CPNE8: variants seen among roughly 807,000 people sequenced by gnomAD.
CPNE8 encodes the protein copine-8.
In CPNE8, 45 loss-of-function variants were observed where a neutral mutation model predicts 81.5. The observed-to-expected ratio is 0.55, with a 90% CI of 0.44 to 0.71. The LOEUF is 0.71. CPNE8 is among the 30% of genes least tolerant of loss of function. The pLI, the probability that CPNE8 is intolerant of heterozygous loss-of-function variation, is 0.00. For synonymous variants in CPNE8, 252 were observed against 226.3 expected (o/e 1.11, Z -1.02); for missense variants, 594 against 672.1 (o/e 0.88, Z 1.28).
chr12:38,681,032 T>C (rs1187015091), intron 16 of CPNE8, among the ~76,000 whole-genome samples: 1 of 151,890 alleles, frequency 6.6e-6, no homozygotes, highest in Non-Finnish European at 1.5e-5. Flanking sequence ...AAAAGACTAA[T>C]AGGAAATAAT....
At chr12:38,746,180 T>A (rs1941224058) in intron 10 of CPNE8, among the ~76,000 whole-genome samples, 1 of 152,132 alleles carries the variant, frequency 6.6e-6, no homozygotes, top group Admixed American at 6.6e-5. Context: ...ATTCAAAATA[T>A]TCTTCAATAT....
Position 38,700,049 on chromosome 12 carries a change from T to G in CPNE8, c.961+2826A>C, listed in dbSNP as rs149564477. On this transcript the variant is annotated intron_variant, in intron 14 of 19. Transcript: ENST00000331366. The stretch of plus-strand genomic sequence containing the variant: ...ATTTCTCTCCTTCTTATCCAGATAT[T>G]TTGTATTTAGTTTTCTTGCCTAATG... Among the ~76,000 whole-genome samples the G allele has an allele frequency of 7.5e-4, 114 of 152,220 alleles. No homozygotes were observed. In the East Asian group the frequency reaches 0.014, roughly 19 times the overall value.
chr12:38,704,826 G>GTATATATATGTGTATATATA (rs58878926), intron 13 of CPNE8, among the ~76,000 whole-genome samples: 1,629 of 49,968 alleles, frequency 0.033, 311 homozygotes, highest in South Asian at 0.068. Flanking sequence ...GTATGTATGT[G>GTATATATATGTGTATATATA]TATATATATA....
At chr12:38,735,594 C>T (rs1446312970) in intron 10 of CPNE8, among the ~76,000 whole-genome samples, 4 of 151,998 alleles carry the variant, frequency 2.6e-5, no homozygotes, top group Non-Finnish European at 5.9e-5. Flanking sequence ...ATTTCTTATA[C>T]GATAACATCA....
chr12:38,675,119 C>G (rs57240072), intron 18 of CPNE8, among the ~76,000 whole-genome samples: 2 of 152,202 alleles, frequency 1.3e-5, no homozygotes, highest in East Asian at 3.9e-4. Context: ...GAAAAACTAC[C>G]CAGTATGCCA....
chr12:38,775,935 GA>G (rs1339532931), intron 7 of CPNE8, among the ~76,000 whole-genome samples: 1 of 152,096 alleles, frequency 6.6e-6, no homozygotes, highest in Non-Finnish European at 1.5e-5. Context: ...TGCAGTAATT[GA>G]ACTGATTGGT....
intron 3 of CPNE8, among the ~76,000 whole-genome samples, chr12:38,854,717 A>C (rs1592138923): frequency 6.6e-6 from 1 of 152,244 alleles, no homozygotes; most frequent in East Asian, 1.9e-4. Flanking sequence ...AACATTAAAG[A>C]AAGTTTCCAG....
At chr12:38,719,429 C>T (rs371639070) in intron 13 of CPNE8, among the ~76,000 whole-genome samples, 8 of 151,896 alleles carry the variant, frequency 5.3e-5, no homozygotes, top group African/African-American at 1.7e-4. Flanking sequence ...CATAACGAAA[C>T]CCCTCTCTAC....
intron 5 of CPNE8, among the ~76,000 whole-genome samples, chr12:38,835,799 TA>T: frequency 6.6e-6 from 1 of 152,232 alleles, no homozygotes; most frequent in Admixed American, 6.5e-5. Context: ...GAAAGTGTAT[TA>T]AAAAATATAC....
intron 19 of CPNE8, among the ~76,000 whole-genome samples, chr12:38,655,197 T>TA (rs1233094098): frequency 6.6e-6 from 1 of 152,218 alleles, no homozygotes; most frequent in Non-Finnish European, 1.5e-5. Flanking sequence ...CCACCCTTAA[T>TA]AAAAATGATT....
At chr12:38,877,192 T>TA (rs1357358229) in intron 1 of CPNE8, among the ~76,000 whole-genome samples, 2 of 152,146 alleles carry the variant, frequency 1.3e-5, no homozygotes, top group African/African-American at 4.8e-5. Flanking sequence ...CCTCCAATTT[T>TA]ACCTACCACA....
At chr12:38,711,299 T>A (rs904452398) in intron 13 of CPNE8, among the ~76,000 whole-genome samples, 1 of 152,160 alleles carries the variant, frequency 6.6e-6, no homozygotes, top group Non-Finnish European at 1.5e-5. Flanking sequence ...AGAGTGTCAA[T>A]ATTTGGCAAG....
intron 14 of CPNE8, among the ~76,000 whole-genome samples, chr12:38,699,557 C>G (rs1939884674): frequency 6.6e-6 from 1 of 151,926 alleles, no homozygotes; most frequent in African/African-American, 2.4e-5. Context: ...TCTTTTTCCC[C>G]TACCCTTCCT....
At chr12:38,876,721 T>TA (rs1199077510) in intron 1 of CPNE8, among the ~76,000 whole-genome samples, 8 of 152,272 alleles carry the variant, frequency 5.3e-5, no homozygotes, top group African/African-American at 1.9e-4. Context: ...ATTTTACCTG[T>TA]ACTTTGGTCA....
At chr12:38,712,378 A>G (rs1438344496) in intron 13 of CPNE8, among the ~76,000 whole-genome samples, 3 of 151,954 alleles carry the variant, frequency 2.0e-5, no homozygotes, top group African/African-American at 7.2e-5. Context: ...CCCAACTATT[A>G]TATTTTTTAG....
At position 38,853,245 on chromosome 12, in the gene CPNE8, G is replaced by GT. The variant is rs202148770; in HGVS notation, c.187-4584dup. On this transcript the variant is annotated intron_variant, in intron 3 of 19. Coordinates refer to ENST00000331366, the MANE Select transcript of CPNE8 (RefSeq NM_153634.3). ...TTGCTAATTCTTTGGAAAATGTGCA[G>GT]TGCATATCATTCTATACCTATCAAA... Among the ~76,000 whole-genome samples, 1,440 of 152,192 alleles carry GT rather than the reference G, an allele frequency of 9.5e-3. 19 individuals carry two copies. The highest frequency in any genetic ancestry group is 0.038 in the South Asian group (185 of 4,824).
At chr12:38,711,177 T>C (rs1007761883) in intron 13 of CPNE8, among the ~76,000 whole-genome samples, 3 of 152,230 alleles carry the variant, frequency 2.0e-5, no homozygotes, top group African/African-American at 7.2e-5. Context: ...AATAATAGTT[T>C]TGCAAAAATT....
At chr12:38,901,231 A>G (rs765635348) in intron 1 of CPNE8, among the ~76,000 whole-genome samples, 21 of 152,186 alleles carry the variant, frequency 1.4e-4, no homozygotes, top group Non-Finnish European at 2.6e-4. Flanking sequence ...AAATAAATAA[A>G]TAGTCAGTAT....
chr12:38,786,830 C>A (rs1168190130), intron 6 of CPNE8, among the ~76,000 whole-genome samples: 2 of 152,076 alleles, frequency 1.3e-5, no homozygotes, highest in Non-Finnish European at 2.9e-5. Context: ...ATGGAGCTTG[C>A]AGATACATAA....
Sources: gnomAD v4.1 joint callset for allele counts (sites outside exome capture counted in the v4.1 genomes callset) on GRCh38, gnomAD v4.1.1 for gene constraint, MANE v1.5 for transcripts, NCBI Gene and HGNC (gene_info 2026-07-23, HGNC 2026-07-21) for gene names.